KRT23: variants seen among roughly 807,000 people sequenced by gnomAD.
KRT23 encodes keratin 23.
Under a neutral mutation model 47.6 loss-of-function variants are expected in KRT23, and 38 were observed. That is an observed-to-expected ratio of 0.80 (90% CI 0.62 to 1.05). The LOEUF (loss-of-function observed/expected upper bound fraction) is 1.05. Among genes scored for constraint, KRT23 ranks in the 50% least tolerant of loss-of-function variants. The pLI is 0.00. For synonymous variants in KRT23, 191 were observed against 199.0 expected (o/e 0.96, Z 0.34); for missense variants, 503 against 529.5 (o/e 0.95, Z 0.49).
Position 40,936,382 on chromosome 17 carries a change from G to A in KRT23, c.222C>T (p.Ala74=), listed in dbSNP as rs1597888582. The change falls in exon 2 of 9, where the codon GCC becomes GCT. Residue 74 remains alanine (A), a synonymous_variant. Coordinates refer to ENST00000209718, the MANE Select transcript of KRT23 (RefSeq NM_015515.5). ...SSPLLGGNGK[A]TMQNLNDRLA... Reference sequence around the variant, plus strand: ...GGCGGTCGTTGAGATTCTGCATGGTGGCCTTCCCATTTCCGCCTAGTAGGG... The same window carrying A: ...GGCGGTCGTTGAGATTCTGCATGGTAGCCTTCCCATTTCCGCCTAGTAGGG... 23 of 1,614,226 alleles carry A rather than the reference G, an allele frequency of 1.4e-5. No homozygotes were observed. Among genetic ancestry groups the A allele is most frequent in the Non-Finnish European group, 1.8e-5 (21 of 1,180,040 alleles).
chr17:40,935,791 C>T (rs543677584), intron 2 of KRT23, among the ~76,000 whole-genome samples: 1 of 152,316 alleles, frequency 6.6e-6, no homozygotes, highest in South Asian at 2.1e-4. Flanking sequence ...AAAGTAAACA[C>T]TCTCTTATGC....
intron 6 of KRT23, among the ~76,000 whole-genome samples, chr17:40,925,783 C>T (rs772684536): frequency 3.9e-5 from 6 of 152,200 alleles, no homozygotes; most frequent in Non-Finnish European, 8.8e-5. Context: ...AGTCCATTGC[C>T]TTGCTCTGAA....
In KRT23 at chr17:40,936,445, T is replaced by A. The variant is rs576683212; in HGVS notation, c.159A>T (p.Pro53=). 6.2e-7 allele frequency: 1 copy of A among 1,609,008 alleles called. No individual in the cohort carries two copies. The highest frequency in any genetic ancestry group is 1.3e-5 in the African/African-American group (1 of 74,764). The change falls in exon 2 of 9, where the codon CCA becomes CCT. Residue 53 remains proline, a synonymous_variant. Transcript: ENST00000209718. ...ISLSFTTRSC[P]PPGGSWGSGR... is the part of the protein sequence containing the mutation. ...CAGAACCCCAAGACCCTCCAGGGGG[T>A]GGGCAGCTCCGCGTGGTGAAGGACA...
At position 40,936,299 on chromosome 17, in the gene KRT23, C is replaced by A. The variant is rs1283720666; in HGVS notation, c.305G>T (p.Ser102Ile). The change falls in exon 2 of 9, where the codon AGC (serine) becomes ATC (isoleucine). Residue 102 changes from serine (S) to isoleucine (I), a missense_variant. Ser to Ile is a moderately radical substitution (Grantham distance 142). Coordinates refer to ENST00000209718, the MANE Select transcript of KRT23 (RefSeq NM_015515.5). ...CTGCTGGTGCCATTTCAGGATGCGG[C>A]TTTCCAGCTTCATGTTGGCCTCCTC... is the stretch of plus-strand genomic sequence containing the variant. Reference protein sequence around the residue: ...ALEEANMKLESRILKWHQQRD... With the variant: ...ALEEANMKLEIRILKWHQQRD... 1 of 1,614,124 alleles carries A rather than the reference C, an allele frequency of 6.2e-7. No homozygotes were observed. Among genetic ancestry groups the A allele is most frequent in the Non-Finnish European group, 8.5e-7 (1 of 1,180,048 alleles).
intron 6 of KRT23, among the ~76,000 whole-genome samples, chr17:40,927,823 G>A (rs1249956725): frequency 1.3e-5 from 2 of 152,190 alleles, no homozygotes; most frequent in Non-Finnish European, 2.9e-5. Flanking sequence ...CTGGTTGTAA[G>A]TGGAGAGGGC....
chr17:40,927,507 C>T (rs1173448367), intron 6 of KRT23, among the ~76,000 whole-genome samples: 3 of 152,206 alleles, frequency 2.0e-5, no homozygotes, highest in Admixed American at 1.3e-4. Context: ...AAATCATTGC[C>T]TCTCAAGACT....
chr17:40,929,504 G>A (rs1273540528), intron 4 of KRT23, among the ~76,000 whole-genome samples: 1 of 152,190 alleles, frequency 6.6e-6, no homozygotes, highest in Admixed American at 6.5e-5. Context: ...AACTCTAAAA[G>A]TCAGTTAAAT....
intron 8 of KRT23, among the ~76,000 whole-genome samples, chr17:40,923,958 T>C (rs1198097971): frequency 6.6e-6 from 1 of 152,252 alleles, no homozygotes; most frequent in Non-Finnish European, 1.5e-5. Context: ...GTTAAACTTT[T>C]GTTGTTTCTA....
rs760186866 is a variant in KRT23, at chr17:40,931,417, A to G, written c.435T>C (p.Leu145=). 6.2e-7 allele frequency: 1 copy of G among 1,613,742 alleles called. No homozygotes were observed. The highest frequency in any genetic ancestry group is 2.2e-5 in the East Asian group (1 of 44,880). ...CTGCCATCCTGGCATTGTCAATGAG[A>G]AGAATAATCTGAGCATTGGTCATCT... ...DGKMTNAQII[L]LIDNARMAVD... is the part of the protein sequence containing the mutation. The change falls in exon 3 of 9, where the codon CTT becomes CTC. Residue 145 remains leucine, a synonymous_variant. Coordinates refer to ENST00000209718, the MANE Select transcript of KRT23 (RefSeq NM_015515.5).
In KRT23 at chr17:40,922,793, C is replaced by T. The variant is rs1037413125; in HGVS notation, c.*196G>A. ...AAGTAGAGCTTTACCCTCATAAACT[C>T]GCACTTTGATTAGAAAAGTGCAATA... On this transcript the variant is annotated 3_prime_UTR_variant, in exon 9 of 9. Coordinates refer to ENST00000209718, the MANE Select transcript of KRT23 (RefSeq NM_015515.5). 22 of 486,104 alleles carry T rather than the reference C, an allele frequency of 4.5e-5. No individual in the cohort carries two copies. The highest frequency in any genetic ancestry group is 4.5e-4 in the Admixed American group (12 of 26,894). 30.1% of individuals were successfully genotyped at this position (486,104 alleles called of 1,614,324 possible).
chr17:40,934,543 G>A (rs939262743), intron 2 of KRT23, among the ~76,000 whole-genome samples: 1 of 152,140 alleles, frequency 6.6e-6, no homozygotes, highest in Non-Finnish European at 1.5e-5. Flanking sequence ...ACAGTTGTGA[G>A]GATTAAATGA....
rs762669648 is a variant in KRT23 at position 40,922,946 on chromosome 17, G to T, written c.*43C>A. ...TGGTGTCTGTGCAAGGACTTTCCTT[G>T]GGGGAAAATAGATTTTACAACAGGC... On this transcript the variant is annotated 3_prime_UTR_variant, in exon 9 of 9. Transcript: ENST00000209718. The T allele has an allele frequency of 5.6e-6, 8 of 1,425,032 alleles. No homozygotes were observed. The highest frequency in any genetic ancestry group is 2.3e-5 in the East Asian group (1 of 44,030). 88.3% of individuals were successfully genotyped at this position (1,425,032 alleles called of 1,614,324 possible). A position where few individuals can be genotyped will look rare whatever the true frequency, so the allele number is the denominator to read the frequency against.
Position 40,922,895 on chromosome 17 carries a change from A to G in KRT23, c.*94T>C. On this transcript the variant is annotated 3_prime_UTR_variant, in exon 9 of 9. Coordinates refer to ENST00000209718, the MANE Select transcript of KRT23 (RefSeq NM_015515.5). ...AAAAGTTTCTGAGTCTGATAATTCC[A>G]AGGGTATCTTTTAGAACTCACTCAC... 1.2e-6 allele frequency: 1 copy of G among 843,706 alleles called. No individual in the cohort carries two copies. The highest frequency in any genetic ancestry group is 1.5e-5 in the South Asian group (1 of 65,486). 52.3% of individuals were successfully genotyped at this position (843,706 alleles called of 1,614,324 possible). A position where few individuals can be genotyped will look rare whatever the true frequency, so the allele number is the denominator to read the frequency against.
At chr17:40,933,361 ACC>A (rs1909827632) in intron 2 of KRT23, among the ~76,000 whole-genome samples, 1 of 152,186 alleles carries the variant, frequency 6.6e-6, no homozygotes, top group Admixed American at 6.5e-5. Flanking sequence ...GGGCATTCTT[ACC>A]AATACTTCTC....
intron 2 of KRT23, among the ~76,000 whole-genome samples, chr17:40,933,804 C>T (rs1425185162): frequency 1.3e-5 from 2 of 152,144 alleles, no homozygotes; most frequent in African/African-American, 2.4e-5. Context: ...GGTTGAGAAA[C>T]GATATATGAG....
In KRT23 at chr17:40,937,504, G is replaced by A. The variant is rs1910179197; in HGVS notation, c.-509C>T. 6.6e-6 allele frequency: 1 copy of A among 152,258 alleles called. No individual in the cohort carries two copies. The highest frequency in any genetic ancestry group is 2.1e-4 in the South Asian group (1 of 4,842). 9.4% of individuals were successfully genotyped at this position (152,258 alleles called of 1,614,324 possible). ...CCACGGCTGGGCTCTGTGTGTCTGT[G>A]ACCTGCAGAGGGACGATGGAAAACA... On this transcript the variant is annotated 5_prime_UTR_variant, in exon 1 of 9. Transcript: ENST00000209718.
chr17:40,933,812 G>A (rs1255951178), intron 2 of KRT23, among the ~76,000 whole-genome samples: 1 of 152,218 alleles, frequency 6.6e-6, no homozygotes, highest in East Asian at 1.9e-4. Context: ...AACGATATAT[G>A]AGGCATAGGT....
chr17:40,923,106 T>G, intron 8 of KRT23, 23 bp from the exon 9 acceptor site: 1 of 1,506,400 alleles, frequency 6.6e-7, no homozygotes. Context: ...GCATGGAAGA[T>G]GTCACTGCCA....
At position 40,936,459 on chromosome 17, in the gene KRT23, TGGTGAAGGACAG is replaced by T; in HGVS notation, c.133_144del (p.Leu45_Thr48del). ...CCTCCAGGGGGTGGGCAGCTCCGCG[TGGTGAAGGACAG>T]GGAGATGCGGGCTCCCCCCGCACCG... On this transcript the variant is annotated inframe_deletion, in exon 2 of 9. Coordinates refer to ENST00000209718, the MANE Select transcript of KRT23 (RefSeq NM_015515.5). 2 of 1,601,740 alleles carry T rather than the reference TGGTGAAGGACAG, an allele frequency of 1.2e-6. No homozygotes were observed. Among genetic ancestry groups the T allele is most frequent in the Non-Finnish European group, 1.7e-6 (2 of 1,172,908 alleles).
Sources: allele counts gnomAD v4.1 joint callset (sites outside exome capture counted in the v4.1 genomes callset), GRCh38; gene constraint gnomAD v4.1.1; transcripts MANE v1.5; gene names NCBI Gene and HGNC (gene_info 2026-07-23, HGNC 2026-07-21).